Variants in FRMD3 observed in about 807,000 individuals in gnomAD.
The protein encoded by FRMD3 is FERM domain-containing protein 3.
FRMD3 carries 33 observed loss-of-function variants against 70.2 expected under a neutral mutation model. The ratio of observed to expected loss-of-function variants is 0.47; its 90% CI spans 0.36 to 0.63. The LOEUF is 0.63. Ranked by LOEUF, FRMD3 falls within the 20% of genes least tolerant of loss-of-function variation. FRMD3 has a pLI of 0.00. For missense variants in FRMD3, 632 were observed against 711.4 expected, an observed-to-expected ratio of 0.89 and a Z score of 1.27; for synonymous variants, 279 against 255.9, an observed-to-expected ratio of 1.09 and a Z score of -0.86.
rs1315400321 is a variant in FRMD3, at chr9:83,349,665, C to A, written c.374+14G>T. 5.0e-6 allele frequency: 8 copies of A among 1,596,444 alleles called. No homozygotes were observed. The Admixed American group carries it at 1.3e-4, about 27-fold the overall frequency. ...TAAAGGTGCACGTTAAACATACAAA[C>A]AAACAAAAAATACCTTGTGAGCTCT... On this transcript the variant is annotated intron_variant, in intron 4 of 13. Coordinates refer to ENST00000304195, the MANE Select transcript of FRMD3 (RefSeq NM_174938.6).
At position 83,311,814 on chromosome 9, in the gene FRMD3, G is replaced by A. The variant is rs1478267592; in HGVS notation, c.773+73C>T. On this transcript the variant is annotated intron_variant, in intron 8 of 13. Transcript: ENST00000304195. ...CAGGCATTCTACCTGACACTTGCCC[G>A]AGAAGCCAAGGAGGGGACGGAGGAA... 4.8e-5 allele frequency: 51 copies of A among 1,058,552 alleles called. No individual in the cohort carries two copies. In the Middle Eastern group the frequency reaches 8.0e-4, roughly 17 times the overall value. The allele number at this position is 1,058,552 out of a possible 1,614,324, so 65.6% of individuals were successfully genotyped here.
chr9:83,285,419 AAGACCCTCC>A (rs1285605483), intron 13 of FRMD3, among the ~76,000 whole-genome samples: 1 of 152,146 alleles, frequency 6.6e-6, no homozygotes, highest in African/African-American at 2.4e-5. Flanking sequence ...TGCCACCCCC[AAGACCCTCC>A]TTTATAAAAA....
intron 13 of FRMD3, among the ~76,000 whole-genome samples, chr9:83,278,836 G>C (rs1002785388): frequency 6.6e-6 from 1 of 152,210 alleles, no homozygotes; most frequent in Non-Finnish European, 1.5e-5. Flanking sequence ...AGGTGGGCAT[G>C]AGAGCCAGAG....
chr9:83,547,539 C>T, the FRMD3 span, among the ~76,000 whole-genome samples: 1 of 151,960 alleles, frequency 6.6e-6, no homozygotes. Flanking sequence ...TTCATAAAAA[C>T]AAATATTACT....
chr9:83,467,014 C>A (rs1222189118), intron 1 of FRMD3, among the ~76,000 whole-genome samples: 1 of 152,172 alleles, frequency 6.6e-6, no homozygotes, highest in Non-Finnish European at 1.5e-5. Flanking sequence ...AAATAAGTAA[C>A]AGACACCCAG....
chr9:83,492,865 C>T (rs1828860587), intron 1 of FRMD3, among the ~76,000 whole-genome samples: 1 of 152,196 alleles, frequency 6.6e-6, no homozygotes. Context: ...ATTCGTCAAG[C>T]TCGTCCTCAT....
intron 2 of FRMD3, among the ~76,000 whole-genome samples, chr9:83,375,494 G>A (rs1200145398): frequency 6.6e-6 from 1 of 152,196 alleles, no homozygotes; most frequent in Non-Finnish European, 1.5e-5. Flanking sequence ...AGAGTCATGA[G>A]GTATGCAGTC....
At chr9:83,488,688 G>A (rs1828740962) in intron 1 of FRMD3, among the ~76,000 whole-genome samples, 1 of 152,178 alleles carries the variant, frequency 6.6e-6, no homozygotes, top group African/African-American at 2.4e-5. Flanking sequence ...ACTCAATGGT[G>A]AGGTTTTTAA....
At chr9:83,390,514 T>C (rs1825639207) in intron 1 of FRMD3, among the ~76,000 whole-genome samples, 1 of 152,238 alleles carries the variant, frequency 6.6e-6, no homozygotes, top group Non-Finnish European at 1.5e-5. Context: ...AAGACAGGCC[T>C]GTGTGACCTT....
At chr9:83,541,617 C>T (rs1446609916), upstream of FRMD3, among the ~76,000 whole-genome samples, 1 of 152,178 alleles carries the variant, frequency 6.6e-6, no homozygotes, top group East Asian at 1.9e-4. Context: ...GTGAAAGACA[C>T]TGCAGTCAAA....
chr9:83,261,061 C>A (rs566130610), intron 13 of FRMD3, among the ~76,000 whole-genome samples: 1 of 148,776 alleles, frequency 6.7e-6, no homozygotes, highest in East Asian at 2.0e-4. Context: ...TATGAAGAGT[C>A]ATTCCAGTGA....
intron 1 of FRMD3, among the ~76,000 whole-genome samples, chr9:83,532,099 A>G (rs1587532867): frequency 6.6e-6 from 1 of 152,216 alleles, no homozygotes; most frequent in South Asian, 2.1e-4. Context: ...AGCACTTGAC[A>G]TATAATCCTT....
At chr9:83,373,616 G>T (rs1825049057) in intron 2 of FRMD3, among the ~76,000 whole-genome samples, 3 of 151,696 alleles carry the variant, frequency 2.0e-5, no homozygotes, top group Non-Finnish European at 4.4e-5. Context: ...GCTGGTCCCA[G>T]TGGCTGGCCC....
intron 1 of FRMD3, among the ~76,000 whole-genome samples, chr9:83,518,414 T>C (rs1262438014): frequency 2.0e-5 from 3 of 152,004 alleles, no homozygotes; most frequent in Non-Finnish European, 4.4e-5. Flanking sequence ...ATAACATACC[T>C]AGGAATACAA....
At chr9:83,564,742 G>A in the FRMD3 span, among the ~76,000 whole-genome samples, 1 of 152,138 alleles carries the variant, frequency 6.6e-6, no homozygotes, top group African/African-American at 2.4e-5. Context: ...ATCCCTGATT[G>A]CTGGCACAAA....
intron 1 of FRMD3, among the ~76,000 whole-genome samples, chr9:83,490,312 CAG>C (rs1828787586): frequency 6.6e-6 from 1 of 151,422 alleles, no homozygotes; most frequent in South Asian, 2.1e-4. Context: ...TTTTTGGGGA[CAG>C]AGTCTTGCTT....
intron 13 of FRMD3, among the ~76,000 whole-genome samples, chr9:83,262,958 T>A (rs1188895496): frequency 6.6e-6 from 1 of 152,116 alleles, no homozygotes; most frequent in Non-Finnish European, 1.5e-5. Context: ...AACGGGCATA[T>A]GGGCCAACCC....
At chr9:83,281,126 C>T (rs1833961234) in intron 13 of FRMD3, among the ~76,000 whole-genome samples, 1 of 152,180 alleles carries the variant, frequency 6.6e-6, no homozygotes, top group Non-Finnish European at 1.5e-5. Context: ...GAGGGAGAGG[C>T]TCTGAGATCC....
the FRMD3 span, among the ~76,000 whole-genome samples, chr9:83,547,988 T>C: frequency 6.6e-6 from 1 of 152,198 alleles, no homozygotes; most frequent in East Asian, 1.9e-4. Flanking sequence ...CATATCTCAT[T>C]ACAGAATTAC....
Sources: allele counts gnomAD v4.1 joint callset (sites outside exome capture counted in the v4.1 genomes callset), GRCh38; gene constraint gnomAD v4.1.1; transcripts MANE v1.5; gene names NCBI Gene and HGNC (gene_info 2026-07-23, HGNC 2026-07-21).